The following THNSL1 variants were observed in gnomAD, a reference collection of about 807,000 sequenced individuals.
THNSL1 encodes the protein threonine synthase like 1, also known as threonine synthase-like 1.
A neutral mutation model predicts 50.4 loss-of-function variants in THNSL1; 48 were observed. The observed-to-expected ratio is 0.95, with a 90% CI of 0.76 to 1.21. The LOEUF is 1.21. Among genes scored for constraint, THNSL1 ranks in the 50% most tolerant of loss-of-function variants. The pLI is 0.00. For missense variants in THNSL1, 896 were observed against 871.7 expected (o/e 1.03, Z -0.35); for synonymous variants, 309 against 306.1 (o/e 1.01, Z -0.10).
the THNSL1 span, among the ~76,000 whole-genome samples, chr10:24,987,761 C>T: frequency 1.3e-5 from 2 of 152,050 alleles, no homozygotes; most frequent in South Asian, 4.1e-4. Flanking sequence ...GAGTTTTAGT[C>T]CCTATTGATG....
At chr10:25,017,572 A>C (rs190607924) in intron 1 of THNSL1, among the ~76,000 whole-genome samples, 2 of 145,904 alleles carry the variant, frequency 1.4e-5, no homozygotes, top group Non-Finnish European at 3.0e-5. Flanking sequence ...GTAGGTCCTT[A>C]CTTTGGGCTC....
At chr10:24,952,574 A>C in the THNSL1 span, 1 of 1,546,552 alleles carries the variant, frequency 6.5e-7, no homozygotes, top group South Asian at 1.2e-5. The surrounding 1 kb of genome is among the most constrained non-coding windows in gnomAD (Gnocchi z 5.1). Context: ...GCTCCCGGCC[A>C]TGTTTCTCCC....
the THNSL1 span, among the ~76,000 whole-genome samples, chr10:24,976,782 C>T: frequency 0.013 from 2,002 of 152,294 alleles, 58 homozygotes; most frequent in African/African-American, 0.046. Flanking sequence ...GTGTGAGCCA[C>T]CACACCTGGC....
Position 25,024,349 on chromosome 10 carries a change from G to A in THNSL1, c.1126G>A (p.Val376Ile), listed in dbSNP as rs1408285456. 2 of 1,613,948 alleles carry A rather than the reference G, an allele frequency of 1.2e-6. No homozygotes were observed. Among genetic ancestry groups the A allele is most frequent in the African/African-American group, 2.7e-5 (2 of 74,900 alleles). The stretch of plus-strand genomic sequence containing the variant: ...ACCAAGTTGCAATTATATGATACTT[G>A]TAGCTACTTCAGGAGACACAGGGAG... The part of the protein sequence containing the change: ...IPPSCNYMIL[V>I]ATSGDTGSAV... Residue 376 changes from valine to isoleucine, a missense_variant, in exon 3 of 3, where the codon GTA (valine) becomes ATA (isoleucine). Physicochemically the swap from Val to Ile is conservative, Grantham distance 29. Coordinates refer to ENST00000376356, the MANE Select transcript of THNSL1 (RefSeq NM_024838.5).
chr10:24,990,580 ACATATGTATTCAGG>A, the THNSL1 span: 2 of 1,612,490 alleles, frequency 1.2e-6, no homozygotes, highest in Non-Finnish European at 1.7e-6. Flanking sequence ...CGTTTCGCTT[ACATATGTATTCAGG>A]TGTGACACCA....
the THNSL1 span, among the ~76,000 whole-genome samples, chr10:25,000,639 C>T: frequency 5.3e-5 from 8 of 152,032 alleles, no homozygotes; most frequent in African/African-American, 1.9e-4. Flanking sequence ...TCAAGCATCC[C>T]TTTGATTTGT....
upstream of THNSL1, chr10:25,016,232 C>T: frequency 7.5e-6 from 8 of 1,072,958 alleles, no homozygotes; most frequent in Non-Finnish European, 9.1e-6. Flanking sequence ...CTCCCCTCTT[C>T]CCTCTTTCTG....
At chr10:24,964,606 C>T in the THNSL1 span, among the ~76,000 whole-genome samples, 20 of 152,248 alleles carry the variant, frequency 1.3e-4, no homozygotes, top group African/African-American at 3.4e-4. Flanking sequence ...TATTAATAGA[C>T]GTCCAAGATT....
At chr10:25,022,382 A>G (rs1850739447) in intron 2 of THNSL1, among the ~76,000 whole-genome samples, 1 of 152,220 alleles carries the variant, frequency 6.6e-6, no homozygotes, top group Non-Finnish European at 1.5e-5. Context: ...GGTTAGAAAC[A>G]AAAGTGATGG....
At chr10:24,960,486 G>C in the THNSL1 span, among the ~76,000 whole-genome samples, 4 of 151,780 alleles carry the variant, frequency 2.6e-5, no homozygotes, top group African/African-American at 9.7e-5. Flanking sequence ...GGAGTGCATG[G>C]AGCAATCTCA....
the THNSL1 span, among the ~76,000 whole-genome samples, chr10:24,956,465 ATT>A: frequency 2.3e-5 from 3 of 131,766 alleles, no homozygotes; most frequent in African/African-American, 6.1e-5. Flanking sequence ...CATTTTATTT[ATT>A]TTTTTTTTTT....
intron 1 of THNSL1, among the ~76,000 whole-genome samples, chr10:25,020,808 C>G (rs1850704754): frequency 6.6e-6 from 1 of 151,134 alleles, no homozygotes; most frequent in Non-Finnish European, 1.5e-5. Flanking sequence ...ATTACTAATA[C>G]AGGTATCAGA....
the THNSL1 span, among the ~76,000 whole-genome samples, chr10:24,993,731 G>C: frequency 6.6e-6 from 1 of 152,182 alleles, no homozygotes; most frequent in Non-Finnish European, 1.5e-5. Flanking sequence ...GGTGCACAGT[G>C]CTTTCATGGT....
At chr10:24,988,745 A>G in the THNSL1 span, among the ~76,000 whole-genome samples, 1 of 143,418 alleles carries the variant, frequency 7.0e-6, no homozygotes, top group South Asian at 2.2e-4. Flanking sequence ...TTTAAAAATG[A>G]GAAGTTTGGA....
the THNSL1 span, among the ~76,000 whole-genome samples, chr10:25,004,120 T>G: frequency 6.6e-6 from 1 of 152,254 alleles, no homozygotes; most frequent in Admixed American, 6.5e-5. Flanking sequence ...TCTTGTTTTA[T>G]GGCTGAATAG....
chr10:25,014,576 T>C (rs192044402), upstream of THNSL1, among the ~76,000 whole-genome samples: 2 of 152,196 alleles, frequency 1.3e-5, no homozygotes, highest in African/African-American at 4.8e-5. Context: ...AAGAACAGAA[T>C]ACCTACCTAA....
chr10:25,013,261 A>G (rs911025764), upstream of THNSL1, among the ~76,000 whole-genome samples: 1 of 152,268 alleles, frequency 6.6e-6, no homozygotes, highest in African/African-American at 2.4e-5. Flanking sequence ...ACTATGTTCT[A>G]TGATAGATAA....
chr10:24,993,471 CAT>C, the THNSL1 span, among the ~76,000 whole-genome samples: 4 of 152,282 alleles, frequency 2.6e-5, no homozygotes, highest in African/African-American at 9.6e-5. Context: ...CTAAATACCT[CAT>C]GTGATCATCT....
the THNSL1 span, among the ~76,000 whole-genome samples, chr10:24,972,182 ACT>A: frequency 7.0e-6 from 1 of 143,878 alleles, no homozygotes; most frequent in East Asian, 2.1e-4. Context: ...ACAGAGCAAG[ACT>A]CTATCTTAAA....
Sources: gnomAD v4.1 joint callset for allele counts (sites outside exome capture counted in the v4.1 genomes callset) on GRCh38, gnomAD v4.1.1 for gene constraint, Gnocchi (gnomAD v3.1) non-coding constraint, MANE v1.5 for transcripts, NCBI Gene and HGNC (gene_info 2026-07-23, HGNC 2026-07-21) for gene names.